The following FBXL7 variants were observed in gnomAD, a reference collection of about 807,000 sequenced individuals.
FBXL7 encodes the protein F-box and leucine rich repeat protein 7.
Under a neutral mutation model 38.3 loss-of-function variants are expected in FBXL7, and 12 were observed. The ratio of observed to expected loss-of-function variants is 0.31; its 90% CI spans 0.20 to 0.51. The LOEUF (loss-of-function observed/expected upper bound fraction) is 0.51. FBXL7 is among the 20% of genes least tolerant of loss of function. FBXL7 has a pLI of 0.98. For missense variants in FBXL7, 567 were observed against 676.4 expected, an observed-to-expected ratio of 0.84 and a Z score of 1.79; for synonymous variants, 297 against 300.9, an observed-to-expected ratio of 0.99 and a Z score of 0.13.
intron 2 of FBXL7, among the ~76,000 whole-genome samples, chr5:15,660,856 C>A (rs1742043819): frequency 6.6e-6 from 1 of 152,314 alleles, no homozygotes; most frequent in East Asian, 1.9e-4. Context: ...GAGGTCCTTC[C>A]AGTAATCTAA....
At chr5:15,587,463 A>G (rs1273178930) in intron 1 of FBXL7, among the ~76,000 whole-genome samples, 1 of 152,166 alleles carries the variant, frequency 6.6e-6, no homozygotes, top group Non-Finnish European at 1.5e-5. Context: ...TTGAAATTCC[A>G]TGTTTATTTA....
chr5:15,644,975 C>G (rs908356749), intron 2 of FBXL7, among the ~76,000 whole-genome samples: 1 of 152,114 alleles, frequency 6.6e-6, no homozygotes, highest in East Asian at 1.9e-4. Context: ...TGTCCCCTTC[C>G]TTGCTTGTAT....
At chr5:15,505,706 G>A (rs190537790) in intron 1 of FBXL7, among the ~76,000 whole-genome samples, 5 of 152,322 alleles carry the variant, frequency 3.3e-5, no homozygotes, top group Admixed American at 1.3e-4. Context: ...CAGGCACCAT[G>A]AGCCTTACTG....
chr5:15,704,078 C>G (rs1429690451), intron 2 of FBXL7, among the ~76,000 whole-genome samples: 1 of 152,116 alleles, frequency 6.6e-6, no homozygotes, highest in East Asian at 1.9e-4. Context: ...TCTGCTCCTT[C>G]CAGTGGTTCA....
At chr5:15,688,778 G>A (rs1407996931) in intron 2 of FBXL7, among the ~76,000 whole-genome samples, 5 of 152,164 alleles carry the variant, frequency 3.3e-5, no homozygotes, top group African/African-American at 1.2e-4. Flanking sequence ...GTTTCCTCTT[G>A]TAATAACATT....
intron 2 of FBXL7, among the ~76,000 whole-genome samples, chr5:15,621,081 G>T (rs561201945): frequency 1.3e-5 from 2 of 152,164 alleles, no homozygotes; most frequent in African/African-American, 4.8e-5. Context: ...ATTCATGAGA[G>T]AATGGCATTT....
Position 15,937,270 on chromosome 5 carries a change from AC to A in FBXL7, c.*87del. On this transcript the variant is annotated 3_prime_UTR_variant, in exon 4 of 4. Transcript: ENST00000504595. ...AAAAGCAGCGTATGTAAGCACCGAC[AC>A]CCACTCAAAACAGCTCTTTCTTCCG... The A allele has an allele frequency of 7.1e-7, 1 of 1,411,020 alleles. No homozygotes were observed. Among genetic ancestry groups the A allele is most frequent in the Non-Finnish European group, 9.3e-7 (1 of 1,074,200 alleles). The allele number at this position is 1,411,020 out of a possible 1,614,324, so 87.4% of individuals were successfully genotyped here.
At chr5:15,689,001 GC>G (rs76711448) in intron 2 of FBXL7, among the ~76,000 whole-genome samples, 7,975 of 152,270 alleles carry the variant, frequency 0.052, 235 homozygotes, top group East Asian at 0.084. Context: ...CAAAGACAGA[GC>G]CAGTGAATCA....
chr5:15,566,883 A>G (rs1431641292), intron 1 of FBXL7, among the ~76,000 whole-genome samples: 1 of 152,126 alleles, frequency 6.6e-6, no homozygotes, highest in African/African-American at 2.4e-5. Context: ...TTGCATTTGT[A>G]CCTGTAGAAA....
chr5:15,777,759 T>C (rs1271660495), intron 2 of FBXL7, among the ~76,000 whole-genome samples: 1 of 134,190 alleles, frequency 7.5e-6, no homozygotes, highest in Non-Finnish European at 1.6e-5. Flanking sequence ...AAATTCCAGT[T>C]CCAAGGTTGA....
At chr5:15,825,050 C>A (rs934470316) in intron 2 of FBXL7, among the ~76,000 whole-genome samples, 1 of 152,126 alleles carries the variant, frequency 6.6e-6, no homozygotes, top group Non-Finnish European at 1.5e-5. Flanking sequence ...ATATTATAAA[C>A]TCAATGGGTT....
At chr5:15,733,766 G>A (rs1486541823) in intron 2 of FBXL7, among the ~76,000 whole-genome samples, 1 of 152,164 alleles carries the variant, frequency 6.6e-6, no homozygotes, top group East Asian at 1.9e-4. Flanking sequence ...TTAATGTTTT[G>A]TAAATATTTA....
intron 2 of FBXL7, among the ~76,000 whole-genome samples, chr5:15,823,149 T>G (rs1291981596): frequency 6.6e-6 from 1 of 152,170 alleles, no homozygotes; most frequent in Non-Finnish European, 1.5e-5. Context: ...GTATAAGCCG[T>G]TTTCTATTTT....
intron 2 of FBXL7, among the ~76,000 whole-genome samples, chr5:15,729,790 C>A (rs186615990): frequency 1.3e-5 from 2 of 152,258 alleles, no homozygotes; most frequent in East Asian, 3.9e-4. Context: ...CGTCAGGCAG[C>A]ATCATATGTG....
chr5:15,788,087 T>A (rs1737176811), intron 2 of FBXL7, among the ~76,000 whole-genome samples: 1 of 152,180 alleles, frequency 6.6e-6, no homozygotes, highest in Non-Finnish European at 1.5e-5. Flanking sequence ...TCTGTCTCTG[T>A]CTGCACATGG....
intron 2 of FBXL7, among the ~76,000 whole-genome samples, chr5:15,709,920 T>G (rs1743810636): frequency 6.6e-6 from 1 of 152,134 alleles, no homozygotes; most frequent in African/African-American, 2.4e-5. Context: ...ACTAATTCTA[T>G]TCATGAAAGC....
chr5:15,847,830 G>A (rs1738958649), intron 2 of FBXL7, among the ~76,000 whole-genome samples: 1 of 152,146 alleles, frequency 6.6e-6, no homozygotes, highest in African/African-American at 2.4e-5. Context: ...GAGAGGTTAT[G>A]GGAGCCTCTT....
intron 2 of FBXL7, among the ~76,000 whole-genome samples, chr5:15,821,841 A>G (rs1227785285): frequency 6.6e-6 from 1 of 152,144 alleles, no homozygotes; most frequent in Admixed American, 6.6e-5. Context: ...GAACATCTCC[A>G]AGGTCCTCAT....
At chr5:15,528,268 T>C (rs578027929) in intron 1 of FBXL7, among the ~76,000 whole-genome samples, 15 of 152,316 alleles carry the variant, frequency 9.8e-5, no homozygotes, top group African/African-American at 3.4e-4. Context: ...TTACGTAGGA[T>C]ATAAGTCCCT....
Sources: gnomAD v4.1 joint callset for allele counts (sites outside exome capture counted in the v4.1 genomes callset) on GRCh38, gnomAD v4.1.1 for gene constraint, MANE v1.5 for transcripts, NCBI Gene and HGNC (gene_info 2026-07-23, HGNC 2026-07-21) for gene names.